KDM6B: variants seen among roughly 807,000 people sequenced by gnomAD.
KDM6B encodes lysine demethylase 6B.
A neutral mutation model predicts 150.4 loss-of-function variants in KDM6B; 22 were observed. The observed-to-expected ratio is 0.15, with a 90% CI of 0.10 to 0.21. The LOEUF (loss-of-function observed/expected upper bound fraction) is 0.21. Among genes scored for constraint, KDM6B ranks in the 10% least tolerant of loss-of-function variants. KDM6B has a pLI of 1.00. For synonymous variants in KDM6B, 1,148 were observed against 921.1 expected (o/e 1.25, Z -4.46); for missense variants, 1,984 against 2,234.3 (o/e 0.89, Z 2.26).
intron 3 of KDM6B, 126 bp downstream of exon 3, chr17:7,845,146 C>T (rs1403053797): frequency 3.0e-6 from 1 of 334,608 alleles, no homozygotes; most frequent in Admixed American, 4.1e-5. Flanking sequence ...CCCAGCCACA[C>T]TCCTGGGCCT....
In KDM6B at chr17:7,848,938, G is replaced by T; in HGVS notation, c.2650G>T (p.Ala884Ser). 1 of 1,597,330 alleles carries T rather than the reference G, an allele frequency of 6.3e-7. No individual in the cohort carries two copies. Among genetic ancestry groups the T allele is most frequent in the Non-Finnish European group, 8.5e-7 (1 of 1,171,272 alleles). ...SGGPWARERR[A>S]GEEPVPGPMT... ...CGGGCCCTGGGCCCGGGAGCGCAGG[G>T]CGGGCGAAGAGCCAGTCCCGGGCCC... The change falls in exon 12 of 24, where the codon GCG becomes TCG. Residue 884 changes from alanine (A) to serine (S), a missense_variant. Physicochemically the swap from Ala to Ser is moderately conservative, Grantham distance 99. Transcript: ENST00000448097.
chr17:7,852,778 T>G, intron 21 of KDM6B, 142 bp downstream of exon 21: 1 of 1,337,474 alleles, frequency 7.5e-7, no homozygotes. Context: ...GGAGGCTAAC[T>G]AGGTCCTTGC....
At position 7,854,287 on chromosome 17, in the gene KDM6B, C is replaced by T. The variant is rs2078767184; in HGVS notation, c.*766C>T. 1.3e-5 allele frequency: 2 copies of T among 152,798 alleles called. No individual in the cohort carries two copies. Among genetic ancestry groups the T allele is most frequent in the African/African-American group, 2.4e-5 (1 of 41,452 alleles). The allele number at this position is 152,798 out of a possible 1,614,324, so 9.5% of individuals were successfully genotyped here. ...TCATGGTGCTCAAACCCGCTCCCCT[C>T]CCCTACGTCCTGCACTTTCTCGGAC... is the stretch of plus-strand genomic sequence containing the variant. On this transcript the variant is annotated 3_prime_UTR_variant, in exon 24 of 24. Transcript: ENST00000448097.
At position 7,852,326 on chromosome 17, in the gene KDM6B, G is replaced by T. The variant is rs376810507; in HGVS notation, c.4458G>T (p.Gly1486=). 5 of 1,612,710 alleles carry T rather than the reference G, an allele frequency of 3.1e-6. No homozygotes were observed. Among genetic ancestry groups the T allele is most frequent in the African/African-American group, 2.7e-5 (2 of 74,930 alleles). Residue 1486 remains glycine, a synonymous_variant, in exon 20 of 24, where the codon GGG becomes GGT. Coordinates refer to ENST00000448097, the MANE Select transcript of KDM6B (RefSeq NM_001348716.2). ...GCAACAACATTGCCTGGAACGTGGG[G>T]CCCCTCACCGGTGAGAGGGTGGGGC... ...GWCNNIAWNV[G]PLTAYQYQLA...
intron 2 of KDM6B, among the ~76,000 whole-genome samples, chr17:7,842,848 G>A (rs1597826344): frequency 6.6e-6 from 1 of 151,550 alleles, no homozygotes; most frequent in East Asian, 1.9e-4. Context: ...ATCAGACCCC[G>A]AGGGAGGGCT....
At position 7,852,025 on chromosome 17, in the gene KDM6B, C is replaced by G. The variant is rs564232039; in HGVS notation, c.4240C>G (p.His1414Asp). ...GPGDCEWFAVHEHYWETISAF... is the reference protein window; with the variant it reads ...GPGDCEWFAVDEHYWETISAF... Reference sequence around the variant, plus strand: ...AGGCGACTGCGAGTGGTTCGCGGTGCACGAGCACTACTGGGAGACCATCAG... The same window carrying G: ...AGGCGACTGCGAGTGGTTCGCGGTGGACGAGCACTACTGGGAGACCATCAG... The change falls in exon 19 of 24, where the codon CAC becomes GAC. Residue 1414 changes from histidine to aspartate, a missense_variant. Around this residue, in one of 13 missense-constraint regions of KDM6B, gnomAD observed 19 missense variants for 21.1 expected, o/e 0.90. Transcript: ENST00000448097. The G allele has an allele frequency of 1.2e-6, 2 of 1,614,092 alleles. No homozygotes were observed. The highest frequency in any genetic ancestry group is 1.7e-6 in the Non-Finnish European group (2 of 1,180,036).
chr17:7,845,068 A>G (rs2078504089), intron 3 of KDM6B, 48 bp downstream of exon 3: 2 of 231,024 alleles, frequency 8.7e-6, no homozygotes, highest in South Asian at 1.0e-4. Flanking sequence ...CCGGACTGGA[A>G]GCCTGGCAGC....
At chr17:7,836,816 C>T (rs550548931) in intron 1 of KDM6B, among the ~76,000 whole-genome samples, 1 of 152,368 alleles carries the variant, frequency 6.6e-6, no homozygotes, top group African/African-American at 2.4e-5. Context: ...AGCACACCCA[C>T]TCCGCCCCGT....
intron 3 of KDM6B, 21 bp downstream of exon 3, chr17:7,845,041 G>C (rs1338906041): frequency 9.8e-6 from 2 of 203,794 alleles, no homozygotes; most frequent in Non-Finnish European, 2.1e-5. Flanking sequence ...GCTGCGTTTT[G>C]GGTCGGCCCA....
Position 7,852,618 on chromosome 17 carries a change from A to C in KDM6B, c.4592A>C (p.Asp1531Ala). ...CGCACGGTCAAAATCAGCGACCCCG[A>C]CTTGTTCAAGATGATCAAGTGAGGA... ...VARTVKISDP[D>A]LFKMIKFCLL... Residue 1531 changes from aspartate to alanine, a missense_variant, in exon 21 of 24, where the codon GAC becomes GCC. Asp to Ala is a moderately radical substitution (Grantham distance 126). Transcript: ENST00000448097. The C allele has an allele frequency of 1.2e-6, 2 of 1,614,016 alleles. No individual in the cohort carries two copies. Among genetic ancestry groups the C allele is most frequent in the East Asian group, 4.5e-5 (2 of 44,884 alleles).
rs1567785832 is a variant in KDM6B, at chr17:7,843,531, C to T, written c.-268-1370C>T. Among the ~76,000 whole-genome samples, 2 of 152,208 alleles carry T rather than the reference C, an allele frequency of 1.3e-5. No individual in the cohort carries two copies. The highest frequency in any genetic ancestry group is 2.9e-5 in the Non-Finnish European group (2 of 68,032). On this transcript the variant is annotated intron_variant, in intron 2 of 23. Transcript: ENST00000448097. This position sits in a 1 kb window ranked among gnomAD's most constrained non-coding sequence, Gnocchi z 4.5. ...CCCCTTCGGGAAGGAAGGCTCTTTT[C>T]ACCAGAAACCCGTCTGCCCTTGTGG...
chr17:7,834,538 A>C (rs1201488438), intron 1 of KDM6B, among the ~76,000 whole-genome samples, 188 bp downstream of exon 1: 2 of 151,116 alleles, frequency 1.3e-5, no homozygotes, highest in African/African-American at 2.4e-5. Context: ...AGGAGGAAGA[A>C]CTGGGAGGCA....
chr17:7,851,849 G>C, intron 18 of KDM6B, 53 bp downstream of exon 18: 1 of 1,565,232 alleles, frequency 6.4e-7, no homozygotes, highest in Non-Finnish European at 8.7e-7. Flanking sequence ...GGAGGGGCTG[G>C]CGGCGGCGCT....
chr17:7,846,639 C>G lies in KDM6B; in HGVS notation c.610C>G (p.Pro204Ala). 2 of 1,614,110 alleles carry G rather than the reference C, an allele frequency of 1.2e-6. No individual in the cohort carries two copies. The highest frequency in any genetic ancestry group is 1.7e-6 in the Non-Finnish European group (2 of 1,180,000). The change falls in exon 9 of 24, where the codon CCA becomes GCA. Residue 204 changes from proline (P) to alanine (A), a missense_variant. Pro to Ala is a conservative substitution (Grantham distance 27). Around this residue, in one of 13 missense-constraint regions of KDM6B, gnomAD observed 337 missense variants for 323.9 expected, o/e 1.04. Transcript: ENST00000448097. ...GPPVKRAAEP[P>A]VVQPVPPAAL... ...CCCGGTGAAGCGAGCTGCTGAACCC[C>G]CAGTGGTGCAGCCTGTGCCTCCTGC...
chr17:7,850,327 ATCTG>A, intron 14 of KDM6B, 150 bp downstream of exon 14: 2 of 653,828 alleles, frequency 3.1e-6, no homozygotes, highest in Non-Finnish European at 5.3e-6. Flanking sequence ...CTCTTCTCCC[ATCTG>A]TCTGTCTCCA....
intron 2 of KDM6B, among the ~76,000 whole-genome samples, chr17:7,842,495 G>A (rs1567784993): frequency 6.6e-6 from 1 of 152,228 alleles, no homozygotes; most frequent in African/African-American, 2.4e-5. Flanking sequence ...CAGTCTTTGT[G>A]CCTGTCCGTG....
intron 1 of KDM6B, among the ~76,000 whole-genome samples, chr17:7,838,191 T>C (rs1416720930): frequency 1.0e-5 from 1 of 99,892 alleles, no homozygotes; most frequent in Non-Finnish European, 2.0e-5. Flanking sequence ...CTGAGGGGTG[T>C]GTAAAAGGTT....
At chr17:7,836,707 G>T (rs1188535874) in intron 1 of KDM6B, among the ~76,000 whole-genome samples, 2 of 152,252 alleles carry the variant, frequency 1.3e-5, no homozygotes, top group African/African-American at 2.4e-5. Context: ...GTCGTATTAG[G>T]GGTAAAAGAG....
chr17:7,834,858 C>T (rs564421562), intron 1 of KDM6B, among the ~76,000 whole-genome samples: 133 of 152,244 alleles, frequency 8.7e-4, no homozygotes, highest in African/African-American at 2.8e-3. Context: ...CCAGCGGTAG[C>T]CTTCGCCTTC....
Sources: allele counts gnomAD v4.1 joint callset (sites outside exome capture counted in the v4.1 genomes callset), GRCh38; gene constraint gnomAD v4.1.1; regional missense constraint gnomAD v4.1.1; non-coding constraint Gnocchi (gnomAD v3.1); transcripts MANE v1.5; gene names NCBI Gene and HGNC (gene_info 2026-07-23, HGNC 2026-07-21).